PIP5K1B: variants seen among roughly 807,000 people sequenced by gnomAD.
PIP5K1B encodes the protein phosphatidylinositol 4-phosphate 5-kinase type-1 beta.
PIP5K1B carries 42 observed loss-of-function variants against 67.0 expected under a neutral mutation model. The observed-to-expected ratio is 0.63, with a 90% confidence interval of 0.49 to 0.81. The LOEUF is 0.81. Ranked by LOEUF, PIP5K1B falls within the 30% of genes least tolerant of loss-of-function variation. The pLI is 0.00. For missense variants in PIP5K1B, 459 were observed against 646.3 expected (o/e 0.71, Z 3.14); for synonymous variants, 214 against 231.4 (o/e 0.92, Z 0.68).
At position 68,749,330 on chromosome 9, in the gene PIP5K1B, C is replaced by T. The variant is rs1246276437; in HGVS notation, c.-86+6673C>T. Among the ~76,000 whole-genome samples the T allele has an allele frequency of 3.3e-5, 5 of 152,116 alleles. No individual in the cohort carries two copies. In the East Asian group the frequency reaches 7.7e-4, roughly 24 times the overall value. On this transcript the variant is annotated intron_variant, in intron 2 of 15. Transcript: ENST00000265382. ...GGCAGGGAGTGAAGTGATGTGGCTA[C>T]CAGTCAAGGAGTGCCAATTCTGGCA...
At chr9:68,884,897 G>A (rs1037893851) in intron 6 of PIP5K1B, among the ~76,000 whole-genome samples, 7 of 152,162 alleles carry the variant, frequency 4.6e-5, no homozygotes, top group Non-Finnish European at 1.0e-4. Context: ...GAAAACAGTA[G>A]GGAGGTTCCT....
At chr9:68,803,453 G>A (rs900724638) in intron 2 of PIP5K1B, among the ~76,000 whole-genome samples, 1 of 152,212 alleles carries the variant, frequency 6.6e-6, no homozygotes, top group African/African-American at 2.4e-5. Flanking sequence ...AAAAAAGGTG[G>A]AAGCCTGCCA....
chr9:68,853,799 A>G (rs1822615948), intron 4 of PIP5K1B, among the ~76,000 whole-genome samples: 1 of 152,160 alleles, frequency 6.6e-6, no homozygotes, highest in Non-Finnish European at 1.5e-5. Context: ...ACCCCATGAG[A>G]GCACCTCACA....
At position 68,991,189 on chromosome 9, in the gene PIP5K1B, T is replaced by TA; in HGVS notation, c.1553dup (p.Tyr518Ter). ...ATTTACCTTGGAAGAGGGGACCATC[T>TA]ACTTGACCGCTGAGCCCAACACTCT... ...STFTLEEGTI[Y>*]LTAEPNTLEV... Residue 518 changes from tyrosine to a stop codon, truncating the protein, a stop_gained and frameshift_variant, in exon 15 of 16, where the codon TAC becomes TAAC. Transcript: ENST00000265382. LOFTEE classifies it high-confidence loss of function. 6.2e-7 allele frequency: 1 copy of TA among 1,612,510 alleles called. No individual in the cohort carries two copies. The highest frequency in any genetic ancestry group is 8.5e-7 in the Non-Finnish European group (1 of 1,178,468).
At chr9:68,979,431 G>C (rs1829785187) in intron 14 of PIP5K1B, among the ~76,000 whole-genome samples, 1 of 142,688 alleles carries the variant, frequency 7.0e-6, no homozygotes, top group African/African-American at 2.6e-5. Context: ...GTTGGGGTAT[G>C]ATATTGGAAA....
intron 11 of PIP5K1B, among the ~76,000 whole-genome samples, chr9:68,920,204 GA>G (rs1478622422): frequency 3.9e-5 from 6 of 152,200 alleles, no homozygotes; most frequent in Admixed American, 2.0e-4. Context: ...GTACCAGGGG[GA>G]TAGTAATGAC....
chr9:68,844,704 C>T (rs185212416), intron 4 of PIP5K1B, among the ~76,000 whole-genome samples: 21 of 152,304 alleles, frequency 1.4e-4, no homozygotes, highest in Non-Finnish European at 2.5e-4. Flanking sequence ...AATTTAATAA[C>T]GCTCTCTCAG....
chr9:68,999,960 G>A (rs745829468), intron 15 of PIP5K1B, among the ~76,000 whole-genome samples: 4 of 152,302 alleles, frequency 2.6e-5, no homozygotes, highest in Middle Eastern at 3.4e-3. Flanking sequence ...GTCAGCAGGC[G>A]GCGGGGGTAT....
intron 12 of PIP5K1B, among the ~76,000 whole-genome samples, chr9:68,929,297 C>T (rs527631677): frequency 2.0e-5 from 3 of 152,142 alleles, no homozygotes; most frequent in African/African-American, 7.2e-5. Context: ...TATACTGGGT[C>T]CGATCTTCTC....
chr9:68,766,322 A>G (rs1057486115), intron 2 of PIP5K1B, among the ~76,000 whole-genome samples: 1 of 152,176 alleles, frequency 6.6e-6, no homozygotes, highest in African/African-American at 2.4e-5. Context: ...TTATAAATGT[A>G]TCTATCTTTG....
At chr9:68,710,655 A>G (rs951331250) in intron 1 of PIP5K1B, among the ~76,000 whole-genome samples, 1 of 152,228 alleles carries the variant, frequency 6.6e-6, no homozygotes, top group African/African-American at 2.4e-5. Context: ...GATTTGAAAC[A>G]GAGTGATTGG....
At chr9:68,948,735 A>T (rs1159739285) in intron 14 of PIP5K1B, among the ~76,000 whole-genome samples, 1 of 151,936 alleles carries the variant, frequency 6.6e-6, no homozygotes, top group Non-Finnish European at 1.5e-5. Context: ...AAATAGAAGA[A>T]AAAACATGGA....
intron 14 of PIP5K1B, among the ~76,000 whole-genome samples, chr9:68,971,108 C>G (rs557713617): frequency 6.6e-6 from 1 of 152,122 alleles, no homozygotes; most frequent in Non-Finnish European, 1.5e-5. Flanking sequence ...CCCCTCAACC[C>G]GTCATCTCCA....
intron 12 of PIP5K1B, among the ~76,000 whole-genome samples, chr9:68,924,993 A>G (rs1261048402): frequency 6.6e-6 from 1 of 152,150 alleles, no homozygotes; most frequent in Non-Finnish European, 1.5e-5. Flanking sequence ...AATTTTAGGT[A>G]TAGTCCTCTT....
At chr9:68,806,739 G>C (rs1180799704) in intron 2 of PIP5K1B, among the ~76,000 whole-genome samples, 1 of 152,120 alleles carries the variant, frequency 6.6e-6, no homozygotes, top group East Asian at 1.9e-4. Flanking sequence ...AATGCTGACT[G>C]TAGACCCTGA....
At chr9:68,711,757 T>C (rs2132237821) in intron 1 of PIP5K1B, among the ~76,000 whole-genome samples, 1 of 152,352 alleles carries the variant, frequency 6.6e-6, no homozygotes, top group South Asian at 2.1e-4. Context: ...ATTATTTATC[T>C]TCTTTAGGAG....
intron 6 of PIP5K1B, among the ~76,000 whole-genome samples, chr9:68,877,506 TG>T (rs1730331608): frequency 6.6e-6 from 1 of 152,208 alleles, no homozygotes. Flanking sequence ...TCCTCAGAAT[TG>T]GTTTCAAAAG....
At chr9:68,903,668 T>G (rs1231776260) in intron 8 of PIP5K1B, among the ~76,000 whole-genome samples, 1 of 152,126 alleles carries the variant, frequency 6.6e-6, no homozygotes, top group Non-Finnish European at 1.5e-5. Flanking sequence ...AACACAATAA[T>G]CCATGCAAGA....
At chr9:68,733,219 C>T (rs1363001851) in intron 1 of PIP5K1B, among the ~76,000 whole-genome samples, 1 of 152,208 alleles carries the variant, frequency 6.6e-6, no homozygotes, top group Admixed American at 6.5e-5. Context: ...TTGCTGCTTG[C>T]CGTCTGTACA....
Sources: allele counts gnomAD v4.1 joint callset (sites outside exome capture counted in the v4.1 genomes callset), GRCh38; gene constraint gnomAD v4.1.1; transcripts MANE v1.5; gene names NCBI Gene and HGNC (gene_info 2026-07-23, HGNC 2026-07-21).